The following SEMA4F variants were observed in gnomAD, a reference collection of about 807,000 sequenced individuals.
SEMA4F encodes ssemaphorin 4F.
SEMA4F carries 51 observed loss-of-function variants against 78.4 expected under a neutral mutation model. The ratio of observed to expected loss-of-function variants is 0.65; its 90% confidence interval spans 0.52 to 0.82. The LOEUF (loss-of-function observed/expected upper bound fraction) is 0.82. SEMA4F is among the 40% of genes least tolerant of loss of function. The pLI is 0.00. For missense variants in SEMA4F, 938 were observed against 1,014.4 expected (o/e 0.92, Z 1.02); for synonymous variants, 418 against 408.7 (o/e 1.02, Z -0.27).
At chr2:74,660,826 A>C (rs1684389068) in intron 4 of SEMA4F, among the ~76,000 whole-genome samples, 1 of 152,252 alleles carries the variant, frequency 6.6e-6, no homozygotes. Context: ...AATCTCTGTG[A>C]GGAAGTCCAG....
chr2:74,668,929 CAA>C (rs1308342967), intron 5 of SEMA4F, among the ~76,000 whole-genome samples: 1,653 of 55,636 alleles, frequency 0.03, 22 homozygotes, highest in African/African-American at 0.11. Flanking sequence ...CAAGCGTGGC[CAA>C]AAAAAAAAAA....
At chr2:74,655,089 C>G (rs1339752373) in intron 1 of SEMA4F, among the ~76,000 whole-genome samples, 1 of 152,152 alleles carries the variant, frequency 6.6e-6, no homozygotes, top group African/African-American at 2.4e-5. Context: ...GCCCTTCTGA[C>G]AGCCCTTCCC....
the SEMA4F span, among the ~76,000 whole-genome samples, chr2:74,694,094 A>G: frequency 6.6e-6 from 1 of 152,210 alleles, no homozygotes; most frequent in Middle Eastern, 3.2e-3. Flanking sequence ...ATATATTCCT[A>G]TGTTTGATAA....
downstream of SEMA4F, among the ~76,000 whole-genome samples, chr2:74,688,445 C>T (rs363613): frequency 0.34 from 52,046 of 152,072 alleles, 14,441 homozygotes; most frequent in East Asian, 0.82. Context: ...TGTTAACATT[C>T]TTAATCATAA....
the SEMA4F span, among the ~76,000 whole-genome samples, chr2:74,690,507 G>T: frequency 1.3e-5 from 1 of 75,726 alleles, no homozygotes; most frequent in African/African-American, 3.6e-4. Flanking sequence ...GCACTAAGAC[G>T]TTTGATAATG....
chr2:74,673,876 T>C (rs761143626), intron 7 of SEMA4F, 48 bp downstream of exon 7: 1 of 1,573,908 alleles, frequency 6.4e-7, no homozygotes, highest in Admixed American at 1.8e-5. Context: ...GCTCTGTCTG[T>C]CCCCCGTCTT....
intron 5 of SEMA4F, among the ~76,000 whole-genome samples, chr2:74,672,183 C>T (rs1685021931): frequency 6.6e-6 from 1 of 152,192 alleles, no homozygotes; most frequent in Non-Finnish European, 1.5e-5. Context: ...CTCCAGCTTC[C>T]TCTCTGCTCA....
At chr2:74,705,814 C>A in the SEMA4F span, among the ~76,000 whole-genome samples, 2 of 152,156 alleles carry the variant, frequency 1.3e-5, no homozygotes, top group East Asian at 3.9e-4. Flanking sequence ...AATCCTCCTG[C>A]CTCAGCCTCT....
At chr2:74,685,193 T>A (rs1685793119), downstream of SEMA4F, among the ~76,000 whole-genome samples, 1 of 152,160 alleles carries the variant, frequency 6.6e-6, no homozygotes. Context: ...CTGGATATTT[T>A]AAAAAATACC....
chr2:74,674,351 G>A, intron 7 of SEMA4F, 147 bp from the exon 8 acceptor site: 1 of 667,520 alleles, frequency 1.5e-6, no homozygotes, highest in Non-Finnish European at 2.5e-6. Context: ...GCTACTCTGT[G>A]TGGCTCTCTG....
At position 74,679,639 on chromosome 2, in the gene SEMA4F, G is replaced by T. The variant is rs770710697; in HGVS notation, c.1743G>T (p.Ala581=). The change falls in exon 14 of 14, where the codon GCG becomes GCT. Residue 581 remains alanine (A), a synonymous_variant. Transcript: ENST00000357877. ...VVFEVPVATA[A]HVVLPCSPSS... The stretch of plus-strand genomic sequence containing the variant: ...TTGAAGTTCCCGTGGCTACAGCTGC[G>T]CATGTGGTCTTGCCATGTTCTCCAA... 8 of 1,610,162 alleles carry T rather than the reference G, an allele frequency of 5.0e-6. No homozygotes were observed. The highest frequency in any genetic ancestry group is 1.3e-5 in the African/African-American group (1 of 74,882).
intron 12 of SEMA4F, among the ~76,000 whole-genome samples, chr2:74,678,251 G>A (rs1372680645): frequency 6.6e-6 from 1 of 152,282 alleles, no homozygotes; most frequent in South Asian, 2.1e-4. Flanking sequence ...ATGAGTGGAG[G>A]GGGGTGGTGG....
chr2:74,703,426 G>T, the SEMA4F span, among the ~76,000 whole-genome samples: 1 of 152,234 alleles, frequency 6.6e-6, no homozygotes, highest in African/African-American at 2.4e-5. Context: ...GGACTTGTTG[G>T]CATGAGTGGT....
In SEMA4F at chr2:74,654,457, G is replaced by A. The variant is rs2104895726; in HGVS notation, c.81G>A (p.Val27=). ...ASPFPLLLLA[V]LSGPVSGRVP... ...CCTTCCCGCTACTGCTGCTGGCGGT[G>A]CTGAGCGGCCCGGTATCCGGCCGCG... Residue 27 remains valine, a synonymous_variant, in exon 1 of 14, where the codon GTG becomes GTA. Coordinates refer to ENST00000357877, the MANE Select transcript of SEMA4F (RefSeq NM_004263.5). 1 of 1,575,514 alleles carries A rather than the reference G, an allele frequency of 6.3e-7. No homozygotes were observed. Among genetic ancestry groups the A allele is most frequent in the South Asian group, 1.2e-5 (1 of 86,570 alleles).
chr2:74,661,267 T>TG (rs1469749774), intron 4 of SEMA4F, among the ~76,000 whole-genome samples: 1 of 152,218 alleles, frequency 6.6e-6, no homozygotes, highest in Non-Finnish European at 1.5e-5. Context: ...AAGGTCATTT[T>TG]GAAAAGTAGT....
downstream of SEMA4F, among the ~76,000 whole-genome samples, chr2:74,684,725 A>T (rs1685778362): frequency 6.6e-6 from 1 of 152,142 alleles, no homozygotes; most frequent in Admixed American, 6.5e-5. Flanking sequence ...GCACTTTGGG[A>T]GGCCAAGGCA....
At chr2:74,696,731 G>A in the SEMA4F span, among the ~76,000 whole-genome samples, 2 of 151,988 alleles carry the variant, frequency 1.3e-5, no homozygotes, top group South Asian at 4.1e-4. Context: ...AATATTTTTA[G>A]AAAAGAAAGA....
the SEMA4F span, among the ~76,000 whole-genome samples, chr2:74,706,860 A>T: frequency 6.6e-6 from 1 of 152,084 alleles, no homozygotes; most frequent in African/African-American, 2.4e-5. Context: ...TTCACTTCAC[A>T]CTCATCAAAG....
At chr2:74,684,546 A>G (rs1171183585), downstream of SEMA4F, among the ~76,000 whole-genome samples, 1 of 152,166 alleles carries the variant, frequency 6.6e-6, no homozygotes, top group Non-Finnish European at 1.5e-5. Flanking sequence ...TTTTGTCTAG[A>G]AGTAACATGC....
Sources: gnomAD v4.1 joint callset for allele counts (sites outside exome capture counted in the v4.1 genomes callset) on GRCh38, gnomAD v4.1.1 for gene constraint, MANE v1.5 for transcripts, NCBI Gene and HGNC (gene_info 2026-07-23, HGNC 2026-07-21) for gene names.